Variants in ARHGAP26 observed in about 807,000 individuals in gnomAD.
ARHGAP26 encodes rho GTPase-activating protein 26.
A neutral mutation model predicts 104.8 loss-of-function variants in ARHGAP26; 38 were observed. The ratio of observed to expected loss-of-function variants is 0.36; its 90% CI spans 0.28 to 0.48. The LOEUF (loss-of-function observed/expected upper bound fraction) is 0.48. Ranked by LOEUF, ARHGAP26 falls within the 20% of genes least tolerant of loss-of-function variation. The probability of loss-of-function intolerance (pLI) is 0.99; values close to 1 mark genes in which losing one functional copy is unlikely to be tolerated. For synonymous variants in ARHGAP26, 341 were observed against 340.0 expected, an observed-to-expected ratio of 1.00 and a Z score of -0.03; for missense variants, 704 against 947.9, an observed-to-expected ratio of 0.74 and a Z score of 3.38.
At chr5:143,095,353 T>G (rs555512330) in intron 17 of ARHGAP26, among the ~76,000 whole-genome samples, 1 of 152,166 alleles carries the variant, frequency 6.6e-6, no homozygotes, top group Non-Finnish European at 1.5e-5. Context: ...CTGTTCAAGA[T>G]ACTATATTCT....
chr5:142,915,092 G>A (rs1261120526), intron 10 of ARHGAP26, among the ~76,000 whole-genome samples: 3 of 152,150 alleles, frequency 2.0e-5, no homozygotes, highest in African/African-American at 7.2e-5. Flanking sequence ...AAGTTGCGGA[G>A]AGTGGCTTTT....
intron 11 of ARHGAP26, among the ~76,000 whole-genome samples, chr5:143,006,316 C>CTT (rs34154406): frequency 4.4e-5 from 5 of 112,862 alleles, no homozygotes; most frequent in South Asian, 3.0e-4. Flanking sequence ...AGTGTTTTTT[C>CTT]TTTTTTTTTT....
chr5:142,930,517 T>A (rs1456436866), intron 10 of ARHGAP26, among the ~76,000 whole-genome samples: 1 of 152,124 alleles, frequency 6.6e-6, no homozygotes, highest in Non-Finnish European at 1.5e-5. Flanking sequence ...GGAATGACCA[T>A]CCTCTTGGGA....
rs115480080 is a variant in ARHGAP26 at position 143,014,400 on chromosome 5, G to C, written c.1144+284G>C. On this transcript the variant is annotated intron_variant, in intron 12 of 22. Coordinates refer to ENST00000645722, the MANE Select transcript of ARHGAP26 (RefSeq NM_001135608.3). ...GTGTACATTATCTCCTTTAATCGTA[G>C]GTCTTAAGACTATAGCTCGTCACCA... 1.3e-3 allele frequency: 631 copies of C among 493,022 alleles called. 4 individuals carry two copies. Among genetic ancestry groups the C allele is most frequent in the African/African-American group, 0.011 (570 of 51,792 alleles). The allele number at this position is 493,022 out of a possible 1,614,324, so 30.5% of individuals were successfully genotyped here.
chr5:142,948,241 T>C (rs1418730305), intron 11 of ARHGAP26, among the ~76,000 whole-genome samples: 1 of 152,030 alleles, frequency 6.6e-6, no homozygotes, highest in Non-Finnish European at 1.5e-5. Flanking sequence ...GTCAGAAGGC[T>C]TATTAGAGCC....
In ARHGAP26 at chr5:143,206,826, G is replaced by A. The variant is rs75150017; in HGVS notation, c.1989-372G>A. Reference sequence around the variant, plus strand: ...GAAAAACACTCCCACAAGAGTGGAAGCTGAAGGCTCGCTATAAGCTAGCCC... The same window carrying A: ...GAAAAACACTCCCACAAGAGTGGAAACTGAAGGCTCGCTATAAGCTAGCCC... On this transcript the variant is annotated intron_variant, in intron 20 of 22. Transcript: ENST00000645722. 9.2e-3 allele frequency among the ~76,000 whole-genome samples: 1,397 copies of A among 152,342 alleles called. 24 individuals are homozygous for A. The highest frequency in any genetic ancestry group is 0.032 in the African/African-American group (1,311 of 41,568).
intron 12 of ARHGAP26, among the ~76,000 whole-genome samples, chr5:143,022,552 T>C (rs4912891): frequency 0.52 from 78,676 of 152,116 alleles, 23,908 homozygotes; most frequent in Non-Finnish European, 0.7. Flanking sequence ...AAACTTTGTT[T>C]TACAAAACAG....
In ARHGAP26 at chr5:142,880,346, C is replaced by T. The variant is rs185705543; in HGVS notation, c.384+901C>T. On this transcript the variant is annotated intron_variant, in intron 4 of 22. Coordinates refer to ENST00000645722, the MANE Select transcript of ARHGAP26 (RefSeq NM_001135608.3). ...CAGGCTGGCCAATATGGCGAAACCC[C>T]GTCTCTACTAAAATAGAAAAATTAG... 1.8e-4 allele frequency among the ~76,000 whole-genome samples: 27 copies of T among 152,182 alleles called. 2 individuals are homozygous for T. The East Asian group carries it at 5.0e-3, about 28-fold the overall frequency.
chr5:142,941,159 G>A lies in ARHGAP26; in HGVS notation c.1107+9034G>A, dbSNP rs145017685. Among the ~76,000 whole-genome samples, 460 of 146,544 alleles carry A rather than the reference G, an allele frequency of 3.1e-3. 3 individuals are homozygous for A. Among genetic ancestry groups the A allele is most frequent in the African/African-American group, 0.011 (441 of 39,742 alleles). On this transcript the variant is annotated intron_variant, in intron 11 of 22. Coordinates refer to ENST00000645722, the MANE Select transcript of ARHGAP26 (RefSeq NM_001135608.3). Reference sequence around the variant, plus strand: ...GATTGCTAGGTCGAATGGTAGTTCTGTTTTAAGTTCTTTGAGGAATCGCAT... The same window carrying A: ...GATTGCTAGGTCGAATGGTAGTTCTATTTTAAGTTCTTTGAGGAATCGCAT...
intron 1 of ARHGAP26, among the ~76,000 whole-genome samples, chr5:142,793,207 T>C (rs1256525919): frequency 6.7e-6 from 1 of 148,262 alleles, no homozygotes; most frequent in Non-Finnish European, 1.5e-5. Flanking sequence ...ACCCTGGACC[T>C]AAAAGAAGCA....
intron 22 of ARHGAP26, 104 bp downstream of exon 22, chr5:143,214,192 T>C: frequency 1.4e-6 from 1 of 734,522 alleles, no homozygotes; most frequent in Non-Finnish European, 2.3e-6. Flanking sequence ...AAAATCTCAA[T>C]ACAATGGGTA....
chr5:143,156,563 A>G (rs1413305610), intron 20 of ARHGAP26, among the ~76,000 whole-genome samples: 6 of 152,196 alleles, frequency 3.9e-5, no homozygotes, highest in African/African-American at 1.4e-4. Flanking sequence ...TCTGTGTTTT[A>G]CCAAACCCTG....
At chr5:143,026,981 G>A (rs1402834861) in intron 12 of ARHGAP26, among the ~76,000 whole-genome samples, 2 of 152,086 alleles carry the variant, frequency 1.3e-5, no homozygotes, top group African/African-American at 2.4e-5. Flanking sequence ...TGGATGTGGT[G>A]TGTGAATTGG....
chr5:142,807,344 G>T (rs1254596811), intron 1 of ARHGAP26, among the ~76,000 whole-genome samples: 1 of 152,164 alleles, frequency 6.6e-6, no homozygotes, highest in East Asian at 1.9e-4. Context: ...ATTGCCAGAA[G>T]GGGCCAAGCC....
intron 14 of ARHGAP26, among the ~76,000 whole-genome samples, chr5:143,046,504 G>T (rs1784257988): frequency 6.6e-6 from 1 of 152,130 alleles, no homozygotes; most frequent in South Asian, 2.1e-4. Flanking sequence ...GTGCAGTGTG[G>T]CTTTGTACTA....
Position 143,207,166 on chromosome 5 carries a change from C to T in ARHGAP26, c.1989-32C>T, listed in dbSNP as rs774802001. The T allele has an allele frequency of 2.5e-6, 4 of 1,602,990 alleles. No homozygotes were observed. In the South Asian group the frequency reaches 3.4e-5, roughly 13 times the overall value. On this transcript the variant is annotated intron_variant, in intron 20 of 22. Coordinates refer to ENST00000645722, the MANE Select transcript of ARHGAP26 (RefSeq NM_001135608.3). ...GCTCCCATTGTGGTTTCCCTGTGTG[C>T]TGACAAGTTTTCTGGTTGTTATGTC...
chr5:143,128,966 G>T (rs10477202), intron 18 of ARHGAP26, among the ~76,000 whole-genome samples: 6,299 of 152,244 alleles, frequency 0.041, 442 homozygotes, highest in African/African-American at 0.14. Context: ...ATTACAGGGA[G>T]ACTCCTAATC....
intron 1 of ARHGAP26, among the ~76,000 whole-genome samples, chr5:142,826,962 G>A (rs980320180): frequency 6.6e-6 from 1 of 152,118 alleles, no homozygotes; most frequent in African/African-American, 2.4e-5. Flanking sequence ...ATAATTTTGA[G>A]TCTGTACTTT....
At chr5:143,080,065 G>C (rs1424257032) in intron 17 of ARHGAP26, among the ~76,000 whole-genome samples, 1 of 152,158 alleles carries the variant, frequency 6.6e-6, no homozygotes, top group Non-Finnish European at 1.5e-5. Context: ...CATTCTAGTA[G>C]GTGAGTCCTG....
Sources: allele counts gnomAD v4.1 joint callset (sites outside exome capture counted in the v4.1 genomes callset), GRCh38; gene constraint gnomAD v4.1.1; transcripts MANE v1.5; gene names NCBI Gene and HGNC (gene_info 2026-07-23, HGNC 2026-07-21).